Variants in MMP16 observed in about 807,000 individuals in gnomAD.
MMP16 encodes the protein matrix metalloproteinase-16.
MMP16 carries 12 observed loss-of-function variants against 67.8 expected under a neutral mutation model. The observed-to-expected ratio is 0.18, with a 90% CI of 0.11 to 0.29. The LOEUF (loss-of-function observed/expected upper bound fraction) is 0.29, where lower values mean the gene tolerates loss of function less well. Among genes scored for constraint, MMP16 ranks in the 10% least tolerant of loss-of-function variants. The pLI is 1.00. For missense variants in MMP16, 475 were observed against 765.7 expected (o/e 0.62, Z 4.48); for synonymous variants, 249 against 255.9 (o/e 0.97, Z 0.26).
At chr8:88,063,335 C>T (rs1460080138) in intron 7 of MMP16, among the ~76,000 whole-genome samples, 1 of 152,050 alleles carries the variant, frequency 6.6e-6, no homozygotes, top group Non-Finnish European at 1.5e-5. Flanking sequence ...CAACCAGGAG[C>T]TGCAGAAACA....
intron 1 of MMP16, among the ~76,000 whole-genome samples, chr8:88,212,793 A>G (rs1289396422): frequency 6.6e-6 from 1 of 152,176 alleles, no homozygotes; most frequent in Non-Finnish European, 1.5e-5. Flanking sequence ...AAAGATAGGA[A>G]GAGGTGCACA....
chr8:88,170,962 A>G (rs967346973), intron 3 of MMP16, among the ~76,000 whole-genome samples: 2 of 152,180 alleles, frequency 1.3e-5, no homozygotes, highest in Non-Finnish European at 2.9e-5. Context: ...TAGTTTCAGT[A>G]TGTGTTCTGA....
At chr8:88,205,070 C>A (rs1195233852) in intron 1 of MMP16, among the ~76,000 whole-genome samples, 1 of 152,218 alleles carries the variant, frequency 6.6e-6, no homozygotes, top group Non-Finnish European at 1.5e-5. Flanking sequence ...TGCTAGCATG[C>A]CTTTACTGCC....
At chr8:88,232,533 A>G (rs1031962862) in intron 1 of MMP16, among the ~76,000 whole-genome samples, 16 of 152,308 alleles carry the variant, frequency 1.1e-4, no homozygotes, top group African/African-American at 3.6e-4. Context: ...AATGATCCAC[A>G]TATGTTCCGT....
Position 88,220,934 on chromosome 8 carries a change from A to C in MMP16, c.133-23628T>G, listed in dbSNP as rs28904618. Among the ~76,000 whole-genome samples the C allele has an allele frequency of 8.5e-3, 1,290 of 152,232 alleles. 15 individuals are homozygous for C. Among genetic ancestry groups the C allele is most frequent in the African/African-American group, 0.03 (1,232 of 41,566 alleles). ...AAATTAGAAAATAAATAAATCCACA[A>C]AGAATTGTCTAAAACTCATGGAAGG... On this transcript the variant is annotated intron_variant, in intron 1 of 9. Coordinates refer to ENST00000286614, the MANE Select transcript of MMP16 (RefSeq NM_005941.5).
chr8:88,153,334 A>G (rs1388552042), intron 4 of MMP16, among the ~76,000 whole-genome samples: 6 of 152,206 alleles, frequency 3.9e-5, no homozygotes, highest in South Asian at 2.1e-4. Flanking sequence ...CAAGCTACCA[A>G]TGACTTTCTT....
intron 1 of MMP16, among the ~76,000 whole-genome samples, chr8:88,288,091 C>T (rs980393959): frequency 2.0e-5 from 3 of 152,196 alleles, no homozygotes; most frequent in African/African-American, 7.2e-5. Flanking sequence ...ACAATACTAA[C>T]TCAAAGCCTC....
intron 4 of MMP16, among the ~76,000 whole-genome samples, chr8:88,149,584 C>A (rs1284675917): frequency 6.6e-6 from 1 of 151,978 alleles, no homozygotes; most frequent in African/African-American, 2.4e-5. Flanking sequence ...CTGGGAGGCA[C>A]CCCCCAGCAG....
intron 1 of MMP16, among the ~76,000 whole-genome samples, chr8:88,238,935 G>T (rs975464526): frequency 6.6e-6 from 1 of 151,944 alleles, no homozygotes; most frequent in Non-Finnish European, 1.5e-5. Flanking sequence ...GACCAGTCTG[G>T]CCAATATGGC....
intron 2 of MMP16, among the ~76,000 whole-genome samples, chr8:88,193,226 A>G (rs1809197503): frequency 6.6e-6 from 1 of 152,224 alleles, no homozygotes; most frequent in South Asian, 2.1e-4. Context: ...ATTCAGCCAT[A>G]AAAAATAAAA....
intron 1 of MMP16, among the ~76,000 whole-genome samples, chr8:88,264,009 T>C (rs979531388): frequency 7.4e-6 from 1 of 135,184 alleles, no homozygotes; most frequent in African/African-American, 2.7e-5. Flanking sequence ...TGTGTGTGTG[T>C]GCAACTTCCC....
intron 2 of MMP16, among the ~76,000 whole-genome samples, chr8:88,189,142 A>T (rs1166859420): frequency 6.6e-6 from 1 of 152,178 alleles, no homozygotes; most frequent in Non-Finnish European, 1.5e-5. Flanking sequence ...CTTTTACAAC[A>T]TGCTAAGATA....
At chr8:88,227,440 C>T (rs1379307376) in intron 1 of MMP16, among the ~76,000 whole-genome samples, 3 of 152,038 alleles carry the variant, frequency 2.0e-5, no homozygotes, top group Admixed American at 6.6e-5. Context: ...AAAGTATAGA[C>T]TATTACAAAT....
intron 1 of MMP16, among the ~76,000 whole-genome samples, chr8:88,255,693 GTA>G (rs1810289682): frequency 1.3e-5 from 2 of 152,142 alleles, no homozygotes; most frequent in Admixed American, 1.3e-4. Context: ...GTTAAAAACA[GTA>G]TGTTTTACTC....
At chr8:88,271,358 T>C (rs1243021255) in intron 1 of MMP16, among the ~76,000 whole-genome samples, 1 of 152,234 alleles carries the variant, frequency 6.6e-6, no homozygotes, top group African/African-American at 2.4e-5. Context: ...TTCTCTAAAT[T>C]TGACTCTAAG....
intron 6 of MMP16, among the ~76,000 whole-genome samples, chr8:88,077,262 A>AGTGGATGTAAACTCATG (rs1229432747): frequency 1.3e-5 from 2 of 152,212 alleles, no homozygotes; most frequent in East Asian, 3.9e-4. Context: ...CATCTGTCAC[A>AGTGGATGTAAACTCATG]GTGGATGTAA....
intron 6 of MMP16, among the ~76,000 whole-genome samples, chr8:88,082,892 A>C (rs969203590): frequency 1.3e-5 from 2 of 152,052 alleles, no homozygotes; most frequent in African/African-American, 4.8e-5. Context: ...TCATCTGTAT[A>C]AGAAATTGGA....
chr8:88,266,552 T>A (rs1329065719), intron 1 of MMP16, among the ~76,000 whole-genome samples: 1 of 152,214 alleles, frequency 6.6e-6, no homozygotes, highest in African/African-American at 2.4e-5. Flanking sequence ...GGAATCTTTA[T>A]GGCATTGTAC....
At chr8:88,313,983 C>A (rs1811339081) in intron 1 of MMP16, among the ~76,000 whole-genome samples, 1 of 152,124 alleles carries the variant, frequency 6.6e-6, no homozygotes, top group African/African-American at 2.4e-5. Flanking sequence ...GTGTTCCTCC[C>A]ATACCACGTG....
Sources: gnomAD v4.1 joint callset for allele counts (sites outside exome capture counted in the v4.1 genomes callset) on GRCh38, gnomAD v4.1.1 for gene constraint, MANE v1.5 for transcripts, NCBI Gene and HGNC (gene_info 2026-07-23, HGNC 2026-07-21) for gene names.